GRIN2B: variants seen among roughly 807,000 people sequenced by gnomAD.
GRIN2B encodes the protein glutamate ionotropic receptor NMDA type subunit 2B.
In GRIN2B, 5 loss-of-function variants were observed where a neutral mutation model predicts 114.5. That is an observed-to-expected ratio of 0.04 (90% CI 0.02 to 0.09). The LOEUF (loss-of-function observed/expected upper bound fraction) is 0.09. GRIN2B is among the 10% of genes least tolerant of loss of function. The pLI is 1.00. For missense variants in GRIN2B, 1,108 were observed against 1,943.5 expected, an observed-to-expected ratio of 0.57 and a Z score of 8.08; for synonymous variants, 787 against 745.1, an observed-to-expected ratio of 1.06 and a Z score of -0.92.
At chr12:13,972,643 G>A (rs1862947259) in intron 2 of GRIN2B, among the ~76,000 whole-genome samples, 2 of 152,200 alleles carry the variant, frequency 1.3e-5, no homozygotes, top group Non-Finnish European at 2.9e-5. Flanking sequence ...ACTGAAATGA[G>A]GGTCAGTGGA....
At chr12:13,775,647 A>G (rs995895298) in intron 3 of GRIN2B, among the ~76,000 whole-genome samples, 3 of 152,262 alleles carry the variant, frequency 2.0e-5, no homozygotes, top group Admixed American at 6.5e-5. Flanking sequence ...TATACATTGT[A>G]TTCAAGAAAA....
chr12:13,599,232 GT>G (rs1949119878), intron 10 of GRIN2B, among the ~76,000 whole-genome samples: 1 of 152,126 alleles, frequency 6.6e-6, no homozygotes, highest in Non-Finnish European at 1.5e-5. Flanking sequence ...AAACTAAATG[GT>G]TGGGCTTCCC....
At chr12:13,711,069 G>A (rs984052577) in intron 4 of GRIN2B, among the ~76,000 whole-genome samples, 4 of 151,834 alleles carry the variant, frequency 2.6e-5, no homozygotes, top group African/African-American at 9.6e-5. Context: ...TCAGAAATAG[G>A]GCTACATATC....
intron 3 of GRIN2B, among the ~76,000 whole-genome samples, chr12:13,761,531 G>C (rs34664969): frequency 0.022 from 3,329 of 152,296 alleles, 307 homozygotes; most frequent in Admixed American, 0.17. Context: ...AGGGAGCAAA[G>C]GTCCTGGAGG....
chr12:13,585,498 A>C (rs943218262), intron 10 of GRIN2B, among the ~76,000 whole-genome samples: 1 of 152,162 alleles, frequency 6.6e-6, no homozygotes, highest in Admixed American at 6.5e-5. Flanking sequence ...CGGTTTATGG[A>C]ATGTTAGTAT....
At chr12:13,832,007 G>A (rs1031984276) in intron 3 of GRIN2B, among the ~76,000 whole-genome samples, 2 of 152,150 alleles carry the variant, frequency 1.3e-5, no homozygotes, top group African/African-American at 2.4e-5. Context: ...TGGTGGTGAA[G>A]GGCAGTGGGG....
chr12:13,893,073 A>T (rs1301439719), intron 2 of GRIN2B, among the ~76,000 whole-genome samples: 1 of 152,160 alleles, frequency 6.6e-6, no homozygotes, highest in Non-Finnish European at 1.5e-5. Context: ...TCAGTATTCA[A>T]ATTGACTTGC....
intron 10 of GRIN2B, among the ~76,000 whole-genome samples, chr12:13,572,847 T>C (rs1948723771): frequency 6.6e-6 from 1 of 152,254 alleles, no homozygotes; most frequent in Non-Finnish European, 1.5e-5. Context: ...AGAAATCTTC[T>C]GTGAATTCTT....
intron 4 of GRIN2B, among the ~76,000 whole-genome samples, chr12:13,721,658 G>A (rs138453587): frequency 1.8e-3 from 272 of 152,120 alleles, no homozygotes; most frequent in Non-Finnish European, 2.9e-3. Flanking sequence ...GACACCGTTC[G>A]GAAATGTTTA....
intron 3 of GRIN2B, among the ~76,000 whole-genome samples, chr12:13,792,043 T>G (rs185517367): frequency 6.6e-6 from 1 of 152,350 alleles, no homozygotes. Context: ...CATAGATGGA[T>G]GAGAACACGC....
intron 2 of GRIN2B, among the ~76,000 whole-genome samples, chr12:13,884,272 A>G (rs1293185744): frequency 6.6e-6 from 1 of 152,064 alleles, no homozygotes; most frequent in Non-Finnish European, 1.5e-5. Context: ...AAAAAATCCT[A>G]CTGGGAGTTT....
At chr12:13,697,328 T>G (rs1451682498) in intron 4 of GRIN2B, among the ~76,000 whole-genome samples, 4 of 152,002 alleles carry the variant, frequency 2.6e-5, no homozygotes, top group Non-Finnish European at 5.9e-5. Flanking sequence ...AACAGAACAG[T>G]CTATTGAGTC....
At chr12:13,757,706 T>C (rs1441090697) in intron 3 of GRIN2B, among the ~76,000 whole-genome samples, 1 of 152,100 alleles carries the variant, frequency 6.6e-6, no homozygotes, top group African/African-American at 2.4e-5. Flanking sequence ...TAAAGGGCCA[T>C]CCTAACAGAG....
intron 4 of GRIN2B, among the ~76,000 whole-genome samples, chr12:13,680,558 T>C (rs1370626872): frequency 6.6e-6 from 1 of 151,468 alleles, no homozygotes; most frequent in Non-Finnish European, 1.5e-5. Flanking sequence ...CCTCATATAG[T>C]TCTAATATTA....
At chr12:13,857,798 T>C (rs913567496) in intron 3 of GRIN2B, among the ~76,000 whole-genome samples, 21 of 152,190 alleles carry the variant, frequency 1.4e-4, no homozygotes, top group African/African-American at 4.3e-4. Flanking sequence ...GAGTTGCCCA[T>C]GTGACATTGT....
rs117662844 is a variant in GRIN2B, at chr12:13,663,077, G to A, written c.1125+12668C>T. ...AATCTGTACTTCTAGTAGGTTCCCC[G>A]GTGATGCTAATGCTGTTGGTCCAGG... On this transcript the variant is annotated intron_variant, in intron 5 of 13. Transcript: ENST00000609686. 2.0e-4 allele frequency among the ~76,000 whole-genome samples: 31 copies of A among 152,154 alleles called. No individual in the cohort carries two copies. The East Asian group carries it at 3.7e-3, about 18-fold the overall frequency.
rs566229250 is a variant in GRIN2B at position 13,835,568 on chromosome 12, C to T, written c.411+30230G>A. Among the ~76,000 whole-genome samples the T allele has an allele frequency of 4.5e-4, 68 of 151,878 alleles. 1 individual carries two copies. The highest frequency in any genetic ancestry group is 9.7e-4 in the East Asian group (5 of 5,146). On this transcript the variant is annotated intron_variant, in intron 3 of 13. Transcript: ENST00000609686. ...CACAGAAAGGGCTCTCAGAAGGCCACGGAAATGGCAGCCCCACAGACATAG... is the reference window on the plus strand; with the variant it reads ...CACAGAAAGGGCTCTCAGAAGGCCATGGAAATGGCAGCCCCACAGACATAG...
At chr12:13,565,504 A>C (rs1948627070) in intron 13 of GRIN2B, among the ~76,000 whole-genome samples, 1 of 152,194 alleles carries the variant, frequency 6.6e-6, no homozygotes, top group African/African-American at 2.4e-5. Flanking sequence ...CTCTTTGTAC[A>C]GGGCTTTGAA....
intron 4 of GRIN2B, among the ~76,000 whole-genome samples, chr12:13,687,443 T>C (rs1036080438): frequency 3.3e-5 from 5 of 152,342 alleles, no homozygotes; most frequent in African/African-American, 1.2e-4. Flanking sequence ...GGTTCAGTTT[T>C]GAGCCCATAT....
Sources: allele counts gnomAD v4.1 joint callset (sites outside exome capture counted in the v4.1 genomes callset), GRCh38; gene constraint gnomAD v4.1.1; transcripts MANE v1.5; gene names NCBI Gene and HGNC (gene_info 2026-07-23, HGNC 2026-07-21).